The following SLC24A2 variants were observed in gnomAD, a reference collection of about 807,000 sequenced individuals.
SLC24A2 encodes the protein solute carrier family 24 member 2, also known as sodium/potassium/calcium exchanger 2.
SLC24A2 carries 36 observed loss-of-function variants against 62.0 expected under a neutral mutation model. That is an observed-to-expected ratio of 0.58 (90% CI 0.44 to 0.77). The LOEUF is 0.77. Among genes scored for constraint, SLC24A2 ranks in the 30% least tolerant of loss-of-function variants. The pLI, the probability that SLC24A2 is intolerant of heterozygous loss-of-function variation, is 0.00. For synonymous variants in SLC24A2, 358 were observed against 294.0 expected (o/e 1.22, Z -2.23); for missense variants, 846 against 817.9 (o/e 1.03, Z -0.42).
At chr9:20,166,421 G>C in the SLC24A2 span, among the ~76,000 whole-genome samples, 1 of 151,920 alleles carries the variant, frequency 6.6e-6, no homozygotes, top group African/African-American at 2.4e-5. Context: ...GTCTTAGAAG[G>C]TTGATTGAAC....
intron 2 of SLC24A2, among the ~76,000 whole-genome samples, chr9:19,755,331 C>T (rs969100409): frequency 3.3e-5 from 5 of 152,090 alleles, no homozygotes; most frequent in African/African-American, 1.2e-4. Context: ...TGCAGTTATC[C>T]CATTGATCAA....
the SLC24A2 span, among the ~76,000 whole-genome samples, chr9:19,980,504 T>A: frequency 6.6e-6 from 1 of 152,088 alleles, no homozygotes; most frequent in Admixed American, 6.6e-5. Flanking sequence ...CAAAAGTAAG[T>A]CTTTCTGGCA....
the SLC24A2 span, among the ~76,000 whole-genome samples, chr9:19,953,969 TAA>T: frequency 6.9e-6 from 1 of 144,322 alleles, no homozygotes. Context: ...TACTTTTTCC[TAA>T]AAAAAAAAAA....
the SLC24A2 span, among the ~76,000 whole-genome samples, chr9:20,163,302 T>C: frequency 2.6e-5 from 4 of 152,140 alleles, no homozygotes; most frequent in African/African-American, 9.7e-5. Context: ...ACAAAATCAA[T>C]GTGCAAAAAT....
intron 10 of SLC24A2, among the ~76,000 whole-genome samples, chr9:19,517,951 A>ACT (rs1241284028): frequency 6.8e-6 from 1 of 147,184 alleles, no homozygotes; most frequent in East Asian, 2.0e-4. Flanking sequence ...ACACACACAC[A>ACT]CACACACTCT....
chr9:19,857,283 A>T, the SLC24A2 span, among the ~76,000 whole-genome samples: 1 of 152,112 alleles, frequency 6.6e-6, no homozygotes, highest in Non-Finnish European at 1.5e-5. Flanking sequence ...GACCCTCCTA[A>T]CTTTCTCTTC....
chr9:20,023,845 G>T, the SLC24A2 span, among the ~76,000 whole-genome samples: 1 of 152,054 alleles, frequency 6.6e-6, no homozygotes, highest in Non-Finnish European at 1.5e-5. Context: ...CAAAACTGAT[G>T]GTTTTAAGGA....
the SLC24A2 span, among the ~76,000 whole-genome samples, chr9:20,184,109 C>A: frequency 6.6e-6 from 1 of 152,122 alleles, no homozygotes; most frequent in Admixed American, 6.5e-5. Flanking sequence ...GGGCAAAGAA[C>A]CTGAATAGAC....
intron 2 of SLC24A2, among the ~76,000 whole-genome samples, chr9:19,720,784 T>C (rs536472567): frequency 2.7e-5 from 4 of 147,560 alleles, no homozygotes; most frequent in African/African-American, 5.0e-5. Flanking sequence ...TAGAAACTCA[T>C]ATTCTTGATT....
chr9:19,942,408 A>G, the SLC24A2 span, among the ~76,000 whole-genome samples: 123,605 of 152,154 alleles, frequency 0.81, 50,651 homozygotes, highest in Non-Finnish European at 0.87. Context: ...CACATGGAGA[A>G]TCAGTGTCTG....
chr9:19,579,784 A>T (rs970464545), intron 5 of SLC24A2, among the ~76,000 whole-genome samples: 3 of 152,206 alleles, frequency 2.0e-5, no homozygotes, highest in Admixed American at 1.3e-4. Context: ...ACTTGTGGTT[A>T]TAAGAATCTT....
At chr9:20,282,861 T>A in the SLC24A2 span, among the ~76,000 whole-genome samples, 45,927 of 152,078 alleles carry the variant, frequency 0.3, 7,075 homozygotes, top group South Asian at 0.42. Context: ...CTATTACTAT[T>A]TTTCATGTAA....
the SLC24A2 span, among the ~76,000 whole-genome samples, chr9:20,038,628 C>CAAAAAAAAAAA: frequency 1.5e-4 from 5 of 32,392 alleles, 1 homozygote; most frequent in African/African-American, 2.4e-4. Flanking sequence ...GTAAAAGAAA[C>CAAAAAAAAAAA]AAACAAAAAA....
the SLC24A2 span, among the ~76,000 whole-genome samples, chr9:20,099,470 G>A: frequency 6.6e-6 from 1 of 152,246 alleles, no homozygotes; most frequent in South Asian, 2.1e-4. Flanking sequence ...ATGAAAATGT[G>A]TATATCCTAT....
At chr9:20,033,249 T>A in the SLC24A2 span, among the ~76,000 whole-genome samples, 2 of 152,164 alleles carry the variant, frequency 1.3e-5, no homozygotes, top group South Asian at 4.1e-4. Flanking sequence ...AGCATTAGAT[T>A]CAGACAGACC....
chr9:19,998,097 T>G, the SLC24A2 span, among the ~76,000 whole-genome samples: 1 of 152,198 alleles, frequency 6.6e-6, no homozygotes, highest in Non-Finnish European at 1.5e-5. Context: ...TGCCGGAAGC[T>G]GTGGTAAGTA....
At position 19,788,905 on chromosome 9, in the gene SLC24A2, C is replaced by G. The variant is rs1045798414; in HGVS notation, c.-174G>C. On this transcript the variant is annotated 5_prime_UTR_variant, in exon 1 of 11. Transcript: ENST00000341998. ...CTTACCAGGATAAGATGGGAGGACG[C>G]GCACACGGCGGGGCCCCCGAGCGCG... 2.0e-6 allele frequency: 2 copies of G among 985,266 alleles called. No homozygotes were observed. Among genetic ancestry groups the G allele is most frequent in the Non-Finnish European group, 2.4e-6 (2 of 829,900 alleles). 61.0% of individuals were successfully genotyped at this position (985,266 alleles called of 1,614,324 possible).
At chr9:19,997,483 C>T in the SLC24A2 span, among the ~76,000 whole-genome samples, 2 of 152,122 alleles carry the variant, frequency 1.3e-5, no homozygotes, top group African/African-American at 4.8e-5. Flanking sequence ...GAACTGAGGT[C>T]CCCATTTGTG....
chr9:19,866,550 C>A, the SLC24A2 span, among the ~76,000 whole-genome samples: 2 of 147,218 alleles, frequency 1.4e-5, no homozygotes, highest in African/African-American at 2.5e-5. Context: ...TCATTTGCAA[C>A]AACATGGATG....
Sources: allele counts gnomAD v4.1 joint callset (sites outside exome capture counted in the v4.1 genomes callset), GRCh38; gene constraint gnomAD v4.1.1; transcripts MANE v1.5; gene names NCBI Gene and HGNC (gene_info 2026-07-23, HGNC 2026-07-21).